The following AHI1 variants were observed in gnomAD, a reference collection of about 807,000 sequenced individuals.
AHI1 encodes Abelson helper integration site 1, also known as jouberin.
A neutral mutation model predicts 149.3 loss-of-function variants in AHI1; 123 were observed. The observed-to-expected ratio is 0.82, with a 90% confidence interval of 0.71 to 0.96. AHI1 has a LOEUF of 0.96. AHI1 is among the 40% of genes least tolerant of loss of function. The probability of loss-of-function intolerance (pLI) is 0.00; values close to 1 mark genes in which losing one functional copy is unlikely to be tolerated. For synonymous variants in AHI1, 475 were observed against 459.8 expected, an observed-to-expected ratio of 1.03 and a Z score of -0.42; for missense variants, 1,439 against 1,422.7, an observed-to-expected ratio of 1.01 and a Z score of -0.18.
intron 26 of AHI1, among the ~76,000 whole-genome samples, chr6:135,310,587 A>C (rs779182581): frequency 1.3e-5 from 2 of 152,374 alleles, no homozygotes; most frequent in Middle Eastern, 3.4e-3. Context: ...TACATGCTTA[A>C]TAAAATAATG....
intron 13 of AHI1, among the ~76,000 whole-genome samples, chr6:135,443,067 T>C (rs1171462393): frequency 6.6e-6 from 1 of 152,210 alleles, no homozygotes; most frequent in African/African-American, 2.4e-5. Context: ...CACTAGTAAG[T>C]CACTTTTGTT....
chr6:135,380,243 C>A (rs1357527230), intron 23 of AHI1, among the ~76,000 whole-genome samples: 5 of 151,864 alleles, frequency 3.3e-5, no homozygotes, highest in African/African-American at 1.2e-4. Flanking sequence ...TTCAACCAAC[C>A]ATGGATTGAA....
chr6:135,318,513 A>G lies in AHI1; in HGVS notation c.3426+6T>C. The G allele has an allele frequency of 1.3e-6, 2 of 1,558,532 alleles. No homozygotes were observed. Among genetic ancestry groups the G allele is most frequent in the East Asian group, 2.3e-5 (1 of 43,812 alleles). ...ATATGTAATACGTATGCTCAAAAAC[A>G]TTTACCTTTTGAGGAGCTGGAGATT... On this transcript the variant is annotated splice_donor_region_variant and intron_variant, in intron 26 of 28. Transcript: ENST00000265602.
rs895611767 is a variant in AHI1, at chr6:135,407,952, G to A, written c.2962-2975C>T. ...CGGGAGGCTGAGGCAGGAGAATGGC[G>A]TGAACCCAGGAGGCAGAGCTTGCAG... is the stretch of plus-strand genomic sequence containing the variant. On this transcript the variant is annotated intron_variant, in intron 21 of 28. Coordinates refer to ENST00000265602, the MANE Select transcript of AHI1 (RefSeq NM_001134831.2). 8.6e-5 allele frequency among the ~76,000 whole-genome samples: 13 copies of A among 151,842 alleles called. No individual in the cohort carries two copies. The South Asian group carries it at 1.7e-3, about 19-fold the overall frequency.
chr6:135,329,276 A>T (rs1788175369), intron 24 of AHI1, among the ~76,000 whole-genome samples: 1 of 152,212 alleles, frequency 6.6e-6, no homozygotes, highest in African/African-American at 2.4e-5. Context: ...AGAGAGGAGA[A>T]GTCAATGACT....
chr6:135,459,535 C>A (rs1452658551), intron 8 of AHI1, among the ~76,000 whole-genome samples: 1 of 151,528 alleles, frequency 6.6e-6, no homozygotes, highest in African/African-American at 2.4e-5. Flanking sequence ...AAATGTACAA[C>A]AGAGAAAATC....
chr6:135,304,663 C>T (rs56124544), intron 26 of AHI1, among the ~76,000 whole-genome samples: 2,173 of 151,986 alleles, frequency 0.014, 16 homozygotes, highest in Non-Finnish European at 0.02. Flanking sequence ...CCCAGTTACT[C>T]GGGAGGCTGA....
intron 26 of AHI1, among the ~76,000 whole-genome samples, chr6:135,303,667 T>C (rs1784178784): frequency 6.6e-6 from 1 of 152,176 alleles, no homozygotes; most frequent in African/African-American, 2.4e-5. Context: ...TTACCAAGGT[T>C]ATAGAGGTAG....
At chr6:135,449,094 CG>C (rs1298867857) in intron 11 of AHI1, among the ~76,000 whole-genome samples, 5 of 151,956 alleles carry the variant, frequency 3.3e-5, no homozygotes, top group African/African-American at 1.2e-4. Context: ...TTATCCAGGC[CG>C]GAGTGCAGTG....
chr6:135,346,369 T>A (rs899854923), intron 24 of AHI1, among the ~76,000 whole-genome samples: 10 of 152,002 alleles, frequency 6.6e-5, no homozygotes, highest in African/African-American at 1.9e-4. Flanking sequence ...TAATTTTTTT[T>A]ATTTTTATTT....
In AHI1 at chr6:135,466,371, G is replaced by C; in HGVS notation, c.192C>G (p.Pro64=). The C allele has an allele frequency of 1.2e-6, 2 of 1,611,266 alleles. No individual in the cohort carries two copies. Among genetic ancestry groups the C allele is most frequent in the Non-Finnish European group, 1.7e-6 (2 of 1,178,648 alleles). ...GGGGAAGATTGCTTCTAATAGTGTC[G>C]GGCTAGGAAAAGAAGACATGATAAC... is the stretch of plus-strand genomic sequence containing the variant. ...HYMKETTSDD[P]DTIRSNLPHI... The change falls in exon 7 of 29, where the codon CCC becomes CCG. Residue 64 remains proline (P), a splice_region_variant and synonymous_variant. Coordinates refer to ENST00000265602, the MANE Select transcript of AHI1 (RefSeq NM_001134831.2).
intron 20 of AHI1, among the ~76,000 whole-genome samples, chr6:135,416,188 T>C (rs1193576400): frequency 2.0e-5 from 3 of 151,966 alleles, no homozygotes; most frequent in East Asian, 1.9e-4. Context: ...AAAATTGTAA[T>C]GAAAGGGGTA....
At chr6:135,410,220 A>G (rs1277749089) in intron 21 of AHI1, among the ~76,000 whole-genome samples, 1 of 152,190 alleles carries the variant, frequency 6.6e-6, no homozygotes, top group Non-Finnish European at 1.5e-5. Flanking sequence ...AATTTTTTTA[A>G]TTAGCCAGGC....
chr6:135,364,493 G>A (rs375553215), intron 23 of AHI1, among the ~76,000 whole-genome samples: 18 of 147,428 alleles, frequency 1.2e-4, no homozygotes, highest in African/African-American at 3.0e-4. Context: ...ACGGGGTGGC[G>A]GCCGGGCAGA....
intron 6 of AHI1, 41 bp from the exon 7 acceptor site, chr6:135,466,414 T>C (rs751341768): frequency 1.6e-5 from 24 of 1,494,950 alleles, no homozygotes; most frequent in Non-Finnish European, 2.1e-5. Flanking sequence ...CAGTTACACA[T>C]AGATTAGTTA....
intron 5 of AHI1, among the ~76,000 whole-genome samples, chr6:135,481,235 G>C (rs1265407594): frequency 6.6e-6 from 1 of 152,188 alleles, no homozygotes; most frequent in Non-Finnish European, 1.5e-5. Flanking sequence ...AAACCCGTAA[G>C]AAATAAATTC....
At chr6:135,445,793 AC>A (rs1409432861) in intron 13 of AHI1, among the ~76,000 whole-genome samples, 2 of 152,130 alleles carry the variant, frequency 1.3e-5, no homozygotes, top group African/African-American at 4.8e-5. Flanking sequence ...ACGGTGGCTC[AC>A]GCCTGTAATC....
chr6:135,313,965 T>C (rs1785571146), intron 26 of AHI1, among the ~76,000 whole-genome samples: 1 of 152,218 alleles, frequency 6.6e-6, no homozygotes, highest in African/African-American at 2.4e-5. Context: ...ACTGTATGTT[T>C]CATAGCATCA....
At chr6:135,404,913 C>A in intron 22 of AHI1, 38 bp downstream of exon 22, 1 of 1,590,418 alleles carries the variant, frequency 6.3e-7, no homozygotes, top group Non-Finnish European at 8.6e-7. Context: ...CATCACTATA[C>A]CTTTGAAGTT....
Sources: allele counts gnomAD v4.1 joint callset (sites outside exome capture counted in the v4.1 genomes callset), GRCh38; gene constraint gnomAD v4.1.1; transcripts MANE v1.5; gene names NCBI Gene and HGNC (gene_info 2026-07-23, HGNC 2026-07-21).